Variants in RNF112 observed in about 807,000 individuals in gnomAD.
RNF112 encodes the protein brain finger protein.
RNF112 carries 34 observed loss-of-function variants against 64.7 expected under a neutral mutation model. That is an observed-to-expected ratio of 0.53 (90% CI 0.40 to 0.70). RNF112 has a LOEUF of 0.70. RNF112 is among the 30% of genes least tolerant of loss of function. The pLI, the probability that RNF112 is intolerant of heterozygous loss-of-function variation, is 0.00. For missense variants in RNF112, 734 were observed against 850.0 expected, an observed-to-expected ratio of 0.86 and a Z score of 1.70; for synonymous variants, 345 against 344.5, an observed-to-expected ratio of 1.00 and a Z score of -0.02.
At position 19,413,069 on chromosome 17, in the gene RNF112, C is replaced by T. The variant is rs1913723402; in HGVS notation, c.513C>T (p.Leu171=). ...TGGCCAGGGACACCCCAGTCTGCCT[C>T]CTCGCTGTCCTGGGGGAGCAGCACT... ...HPLARDTPVC[L]LAVLGEQHSG... Residue 171 remains leucine, a synonymous_variant, in exon 4 of 14, where the codon CTC becomes CTT. Coordinates refer to ENST00000461366, the MANE Select transcript of RNF112 (RefSeq NM_007148.5). The surrounding 1 kb of genome is among the most constrained non-coding windows in gnomAD (Gnocchi z 5.9). 6.2e-7 allele frequency: 1 copy of T among 1,613,384 alleles called. No individual in the cohort carries two copies. The highest frequency in any genetic ancestry group is 1.1e-5 in the South Asian group (1 of 91,030).
At position 19,415,849 on chromosome 17, in the gene RNF112, C is replaced by A. The variant is rs776674182; in HGVS notation, c.1570C>A (p.Leu524Met). 6 of 1,613,704 alleles carry A rather than the reference C, an allele frequency of 3.7e-6. No individual in the cohort carries two copies. The Admixed American group carries it at 1.0e-4, about 27-fold the overall frequency. ...GGGGAGAGATCAGACCTTGGAGGCA[C>A]TGGAAGCTGAGCTGCAGGCCACGGC... ...CKGRDQTLEALEAELQATAKA... is the reference protein window; with the variant it reads ...CKGRDQTLEAMEAELQATAKA... Residue 524 changes from leucine (L) to methionine (M), a missense_variant, in exon 14 of 14, where the codon CTG (leucine) becomes ATG (methionine). Physicochemically the swap from Leu to Met is conservative, Grantham distance 15. Coordinates refer to ENST00000461366, the MANE Select transcript of RNF112 (RefSeq NM_007148.5). This position sits in a 1 kb window ranked among gnomAD's most constrained non-coding sequence, Gnocchi z 7.8.
At position 19,416,330 on chromosome 17, in the gene RNF112, G is replaced by T; in HGVS notation, c.*155G>T. On this transcript the variant is annotated 3_prime_UTR_variant, in exon 14 of 14. Transcript: ENST00000461366. ...GGTGTCTGGGTGGCAGCTGAGCTGG[G>T]ACTCAAGGTGGCTCTTGGAACCTGG... 2 of 707,862 alleles carry T rather than the reference G, an allele frequency of 2.8e-6. No homozygotes were observed. The highest frequency in any genetic ancestry group is 4.5e-6 in the Non-Finnish European group (2 of 447,806). The allele number at this position is 707,862 out of a possible 1,614,324, so 43.8% of individuals were successfully genotyped here.
rs746519599 is a variant in RNF112 at position 19,413,140 on chromosome 17, G to C, written c.584G>C (p.Gly195Ala). Residue 195 changes from glycine (G) to alanine (A), a missense_variant, in exon 4 of 14, where the codon GGC (glycine) becomes GCC (alanine). Gly to Ala is a moderately conservative substitution (Grantham distance 60, BLOSUM62 0). Transcript: ENST00000461366. This position sits in a 1 kb window ranked among gnomAD's most constrained non-coding sequence, Gnocchi z 5.9. ...AACCATTTGCTTCAGGGCTTGCCGGGCCTGGTGAGGGCGGGGCGGGGCAGG... is the reference window on the plus strand; with the variant it reads ...AACCATTTGCTTCAGGGCTTGCCGGCCCTGGTGAGGGCGGGGCGGGGCAGG... ...LLNHLLQGLP[G>A]LESGEGGRPR... 2 of 1,612,546 alleles carry C rather than the reference G, an allele frequency of 1.2e-6. No individual in the cohort carries two copies. The highest frequency in any genetic ancestry group is 2.2e-5 in the South Asian group (2 of 90,984).
At position 19,415,379 on chromosome 17, in the gene RNF112, A is replaced by C. The variant is rs974206342; in HGVS notation, c.1350+40A>C. 2 of 1,563,028 alleles carry C rather than the reference A, an allele frequency of 1.3e-6. No individual in the cohort carries two copies. The highest frequency in any genetic ancestry group is 1.9e-5 in the Admixed American group (1 of 52,176). On this transcript the variant is annotated intron_variant, in intron 12 of 13. Coordinates refer to ENST00000461366, the MANE Select transcript of RNF112 (RefSeq NM_007148.5). The surrounding 1 kb of genome is among the most constrained non-coding windows in gnomAD (Gnocchi z 7.8). ...GGATCCAGCATTCTGGCAGGGAGAC[A>C]GGGGAGGCAGGGAGGTGGGGGCTGT... is the stretch of plus-strand genomic sequence containing the variant.
chr17:19,413,952 C>T lies in RNF112; in HGVS notation c.826-143C>T. 1.4e-6 allele frequency: 1 copy of T among 694,688 alleles called. No homozygotes were observed. The highest frequency in any genetic ancestry group is 1.8e-5 in the African/African-American group (1 of 55,866). The allele number at this position is 694,688 out of a possible 1,614,324, so 43.0% of individuals were successfully genotyped here. On this transcript the variant is annotated intron_variant, in intron 6 of 13. Transcript: ENST00000461366. The surrounding 1 kb of genome is among the most constrained non-coding windows in gnomAD (Gnocchi z 5.9). ...CGGCCTTGAGGCCAGCCCAGCCCTG[C>T]AGCCTTCGAGGCCCCCATACTGGCC...
At chr17:19,414,947 G>T in intron 10 of RNF112, 60 bp downstream of exon 10, 1 of 1,594,514 alleles carries the variant, frequency 6.3e-7, no homozygotes. Context: ...TCCGGCAACC[G>T]AGCCCCTTGA....
chr17:19,413,273 C>A lies in RNF112; in HGVS notation c.589-7C>A. 1 of 1,605,696 alleles carries A rather than the reference C, an allele frequency of 6.2e-7. No homozygotes were observed. The highest frequency in any genetic ancestry group is 8.5e-7 in the Non-Finnish European group (1 of 1,174,504). On this transcript the variant is annotated splice_polypyrimidine_tract_variant and splice_region_variant and intron_variant, in intron 4 of 13. Transcript: ENST00000461366. The surrounding 1 kb of genome is among the most constrained non-coding windows in gnomAD (Gnocchi z 5.9). ...CCAACTGATGCTCTCCCTTCTCTCC[C>A]CTGCAGGAGTCTGGTGAGGGCGGCC...
At position 19,412,770 on chromosome 17, in the gene RNF112, C is replaced by A. The variant is rs1158889215; in HGVS notation, c.368C>A (p.Pro123His). The A allele has an allele frequency of 6.2e-7, 1 of 1,611,906 alleles. No individual in the cohort carries two copies. Among genetic ancestry groups the A allele is most frequent in the Non-Finnish European group, 8.5e-7 (1 of 1,179,522 alleles). ...KMKLLPQRPL[P>H]PALQETCPVR... The stretch of plus-strand genomic sequence containing the variant: ...AAGCTCCTGCCGCAGCGGCCGCTGC[C>A]CCCTGCACTGCAGGTCTGGGGACTG... Residue 123 changes from proline (P) to histidine (H), a missense_variant, in exon 3 of 14, where the codon CCC becomes CAC. Physicochemically the swap from Pro to His is moderately conservative, Grantham distance 77 (BLOSUM62 -2). Coordinates refer to ENST00000461366, the MANE Select transcript of RNF112 (RefSeq NM_007148.5). This position sits in a 1 kb window ranked among gnomAD's most constrained non-coding sequence, Gnocchi z 5.1.
chr17:19,412,408 C>T lies in RNF112; in HGVS notation c.96-90C>T. 7.1e-7 allele frequency: 1 copy of T among 1,415,800 alleles called. No individual in the cohort carries two copies. The highest frequency in any genetic ancestry group is 1.3e-5 in the South Asian group (1 of 74,266). 87.7% of individuals were successfully genotyped at this position (1,415,800 alleles called of 1,614,324 possible). ...GGTTGGCACAAAGGGACCTCCACTCCCAAGCCATCAGTCTTCCACCACAAC... is the reference window on the plus strand; with the variant it reads ...GGTTGGCACAAAGGGACCTCCACTCTCAAGCCATCAGTCTTCCACCACAAC... On this transcript the variant is annotated intron_variant, in intron 2 of 13. Transcript: ENST00000461366. The surrounding 1 kb of genome is among the most constrained non-coding windows in gnomAD (Gnocchi z 5.1).
In RNF112 at chr17:19,415,476, G is replaced by A. The variant is rs1185002806; in HGVS notation, c.1351-42G>A. 2 of 1,587,332 alleles carry A rather than the reference G, an allele frequency of 1.3e-6. No homozygotes were observed. Among genetic ancestry groups the A allele is most frequent in the Admixed American group, 3.6e-5 (2 of 55,648 alleles). On this transcript the variant is annotated intron_variant, in intron 12 of 13. Coordinates refer to ENST00000461366, the MANE Select transcript of RNF112 (RefSeq NM_007148.5). This position sits in a 1 kb window ranked among gnomAD's most constrained non-coding sequence, Gnocchi z 7.8. Reference sequence around the variant, plus strand: ...GAGGAAACAAGCAGCGCCCCTGGCTGAGAAGGAAGGAAGGAGGCAGCCTGG... The same window carrying A: ...GAGGAAACAAGCAGCGCCCCTGGCTAAGAAGGAAGGAAGGAGGCAGCCTGG...
chr17:19,416,026 G>T lies in RNF112; in HGVS notation c.1747G>T (p.Ala583Ser). The change falls in exon 14 of 14, where the codon GCT (alanine) becomes TCT (serine). Residue 583 changes from alanine to serine, a missense_variant. Ala to Ser is a moderately conservative substitution (Grantham distance 99). Coordinates refer to ENST00000461366, the MANE Select transcript of RNF112 (RefSeq NM_007148.5). ...ACTGGCTGCAGAGGCTGGGATGGTG[G>T]CTGCTGGAGCTGCCGTGGGGGCCAC... ...AALAAEAGMV[A>S]AGAAVGATGA... The T allele has an allele frequency of 6.5e-7, 1 of 1,545,444 alleles. No homozygotes were observed. Among genetic ancestry groups the T allele is most frequent in the Non-Finnish European group, 8.7e-7 (1 of 1,146,880 alleles).
chr17:19,411,263 G>C lies in RNF112; in HGVS notation c.-146G>C. The stretch of plus-strand genomic sequence containing the variant: ...CTTTTCCAGCTCTGACCGGGAGTCA[G>C]CTCCTCGGGGATACCATCCCCCGAC... On this transcript the variant is annotated 5_prime_UTR_variant, in exon 1 of 14. Transcript: ENST00000461366. 1.5e-6 allele frequency: 1 copy of C among 682,186 alleles called. No homozygotes were observed. The highest frequency in any genetic ancestry group is 2.7e-5 in the East Asian group (1 of 36,650). 42.3% of individuals were successfully genotyped at this position (682,186 alleles called of 1,614,324 possible).
Position 19,413,448 on chromosome 17 carries a change from G to A in RNF112, c.720+37G>A. Reference sequence around the variant, plus strand: ...AGTGGCAGAAGGAGGTCAGGGATGGGAAGGGGAATCAAGAAGGGCGTCTCT... The same window carrying A: ...AGTGGCAGAAGGAGGTCAGGGATGGAAAGGGGAATCAAGAAGGGCGTCTCT... On this transcript the variant is annotated intron_variant, in intron 5 of 13. Coordinates refer to ENST00000461366, the MANE Select transcript of RNF112 (RefSeq NM_007148.5). The surrounding 1 kb of genome is among the most constrained non-coding windows in gnomAD (Gnocchi z 5.9). 1 of 1,594,534 alleles carries A rather than the reference G, an allele frequency of 6.3e-7. No individual in the cohort carries two copies. The highest frequency in any genetic ancestry group is 1.3e-5 in the African/African-American group (1 of 74,676).
Position 19,414,384 on chromosome 17 carries a change from G to C in RNF112, c.877-65G>C, listed in dbSNP as rs1448915258. On this transcript the variant is annotated intron_variant, in intron 7 of 13. Transcript: ENST00000461366. ...GCAGGCGTAGGGAGGTGGGGAGACAGGCTTGGGGTGCACCATAGTCCTCAA... is the reference window on the plus strand; with the variant it reads ...GCAGGCGTAGGGAGGTGGGGAGACACGCTTGGGGTGCACCATAGTCCTCAA... The C allele has an allele frequency of 1.8e-5, 29 of 1,593,422 alleles. No homozygotes were observed. In the Admixed American group the frequency reaches 4.2e-4, roughly 23 times the overall value.
In RNF112 at chr17:19,411,379, A is replaced by G. The variant is rs779652781; in HGVS notation, c.-30A>G. On this transcript the variant is annotated 5_prime_UTR_variant, in exon 1 of 14. Coordinates refer to ENST00000461366, the MANE Select transcript of RNF112 (RefSeq NM_007148.5). ...AAGGTCTCGGGGCCTCCCCCTCTGC[A>G]TCCGGACCCTCTCCCCATCCCAGCC... The G allele has an allele frequency of 4.4e-6, 7 of 1,606,052 alleles. No homozygotes were observed. Among genetic ancestry groups the G allele is most frequent in the Non-Finnish European group, 5.9e-6 (7 of 1,178,078 alleles).
intron 9 of RNF112, 43 bp downstream of exon 9, chr17:19,414,703 G>A (rs1426462586): frequency 1.2e-6 from 2 of 1,610,488 alleles, no homozygotes; most frequent in East Asian, 2.2e-5. Flanking sequence ...CATGGACAGG[G>A]CAGAGGTGGG....
rs2072121 is a variant in RNF112, at chr17:19,416,745, T to C, written c.*570T>C. On this transcript the variant is annotated 3_prime_UTR_variant, in exon 14 of 14. Transcript: ENST00000461366. ...CCCAGAGCAGAGAAACTTGTTCCCA[T>C]GACCCTTCCCAAATCTGCTCCAGCA... The C allele has an allele frequency of 0.14, 20,766 of 153,172 alleles. 3,429 individuals carry two copies. The highest frequency in any genetic ancestry group is 0.38 in the African/African-American group (15,556 of 41,358). The allele number at this position is 153,172 out of a possible 1,614,324, so 9.5% of individuals were successfully genotyped here.
At chr17:19,414,324 C>T (rs1913785320) in intron 7 of RNF112, 125 bp from the exon 8 acceptor site, 2 of 1,232,746 alleles carry the variant, frequency 1.6e-6, no homozygotes, top group South Asian at 2.6e-5. Flanking sequence ...GGCAGGAGAA[C>T]CCCAGGCTGC....
At chr17:19,411,797 C>G (rs191175671) in intron 2 of RNF112, 127 bp downstream of exon 2, 6 of 1,016,088 alleles carry the variant, frequency 5.9e-6, no homozygotes, top group Non-Finnish European at 7.4e-6. Context: ...AGGCTGGATC[C>G]GCCAGGCTGT....
Sources: gnomAD v4.1 joint callset for allele counts on GRCh38, gnomAD v4.1.1 for gene constraint, Gnocchi (gnomAD v3.1) non-coding constraint, MANE v1.5 for transcripts, NCBI Gene and HGNC (gene_info 2026-07-23, HGNC 2026-07-21) for gene names.